Variants in SEMA6D observed in about 807,000 individuals in gnomAD.
The protein encoded by SEMA6D is semaphorin 6D, also known as semaphorin-6D.
Under a neutral mutation model 106.6 loss-of-function variants are expected in SEMA6D, and 35 were observed. That is an observed-to-expected ratio of 0.33 (90% CI 0.25 to 0.44). SEMA6D has a LOEUF of 0.44. SEMA6D is among the 20% of genes least tolerant of loss of function. The pLI is 1.00. For missense variants in SEMA6D, 1,185 were observed against 1,345.9 expected (o/e 0.88, Z 1.87); for synonymous variants, 499 against 487.7 (o/e 1.02, Z -0.31).
intron 4 of SEMA6D, among the ~76,000 whole-genome samples, chr15:47,683,941 A>C (rs2078415187): frequency 6.6e-6 from 1 of 152,210 alleles, no homozygotes; most frequent in Non-Finnish European, 1.5e-5. Flanking sequence ...GTGATAGCAA[A>C]ATCCAACAGC....
Position 47,339,748 on chromosome 15 carries a change from G to C in SEMA6D, c.-238-72645G>C, listed in dbSNP as rs2037733339. Among the ~76,000 whole-genome samples, 4 of 152,028 alleles carry C rather than the reference G, an allele frequency of 2.6e-5. No individual in the cohort carries two copies. The East Asian group carries it at 5.8e-4, about 22-fold the overall frequency. ...GTGTCACATGCCTGTAGTCCCAGCT[G>C]CTGGAGAGGCTGAGGTGGGAGAATC... On this transcript the variant is annotated intron_variant, in intron 1 of 19. Transcript: ENST00000558014.
In SEMA6D at chr15:47,764,983, C is replaced by A. The variant is rs1216106672; in HGVS notation, c.1354C>A (p.Leu452Met). ...TGAAGCTGGCATGGTACTTAAAGTT[C>A]TGGCAAAGACCAGTCCTTTCTCTTT... ...GSEAGMVLKVLAKTSPFSLND... is the reference protein window; with the variant it reads ...GSEAGMVLKVMAKTSPFSLND... Residue 452 changes from leucine to methionine, a missense_variant, in exon 13 of 19, where the codon CTG becomes ATG. Leu to Met is a conservative substitution (Grantham distance 15). Transcript: ENST00000536845. 8.7e-6 allele frequency: 14 copies of A among 1,613,914 alleles called. No individual in the cohort carries two copies. The highest frequency in any genetic ancestry group is 1.2e-5 in the Non-Finnish European group (14 of 1,179,840).
At chr15:47,297,069 T>G (rs1279278383) in intron 1 of SEMA6D, among the ~76,000 whole-genome samples, 2 of 152,188 alleles carry the variant, frequency 1.3e-5, no homozygotes, top group Non-Finnish European at 2.9e-5. Flanking sequence ...TTTGTCTTAT[T>G]CAAGGGCACA....
At chr15:47,217,566 GGTGTGTGTGT>G (rs146342466) in intron 1 of SEMA6D, among the ~76,000 whole-genome samples, 5 of 145,820 alleles carry the variant, frequency 3.4e-5, no homozygotes, top group Non-Finnish European at 4.5e-5. Context: ...CGCGTGCACG[GGTGTGTGTGT>G]GTGTGTGTGT....
At chr15:47,305,872 T>G (rs568594615) in intron 1 of SEMA6D, among the ~76,000 whole-genome samples, 1 of 152,354 alleles carries the variant, frequency 6.6e-6, no homozygotes, top group African/African-American at 2.4e-5. Flanking sequence ...CCTCCTTTGA[T>G]CCAGGCCTTC....
In SEMA6D at chr15:47,761,020, A is replaced by G; in HGVS notation, c.264A>G (p.Thr88=). ...TAAACTTAAATGAAATGCCCAAAAC[A>G]GAAGTAATACCCAACAAGGTGAGCA... ...YTVNLNEMPK[T]EVIPNKKLTW... The change falls in exon 4 of 19, where the codon ACA becomes ACG. Residue 88 remains threonine, a synonymous_variant. Coordinates refer to ENST00000536845, the MANE Select transcript of SEMA6D (RefSeq NM_001358351.3). The G allele has an allele frequency of 1.2e-6, 2 of 1,613,628 alleles. No homozygotes were observed. Among genetic ancestry groups the G allele is most frequent in the Non-Finnish European group, 8.5e-7 (1 of 1,179,722 alleles).
chr15:47,627,526 T>C (rs936904498), intron 4 of SEMA6D, among the ~76,000 whole-genome samples: 3 of 152,174 alleles, frequency 2.0e-5, no homozygotes, highest in Non-Finnish European at 4.4e-5. Context: ...AGAGATATGG[T>C]GAGAATTTAT....
At chr15:47,518,209 G>A (rs1465558070) in intron 3 of SEMA6D, among the ~76,000 whole-genome samples, 2 of 152,080 alleles carry the variant, frequency 1.3e-5, no homozygotes, top group African/African-American at 4.8e-5. Context: ...TAATAATGAG[G>A]AAAAAACAGG....
rs2082188388 is a variant in SEMA6D, at chr15:47,763,753, C to T, written c.748-97C>T. On this transcript the variant is annotated intron_variant, in intron 9 of 18. Coordinates refer to ENST00000536845, the MANE Select transcript of SEMA6D (RefSeq NM_001358351.3). ...CTAGATTTTTTTGAACCAGATGTAT[C>T]TTTAGTATTTTTTGTCCCTCCCTTA... 4 of 1,049,792 alleles carry T rather than the reference C, an allele frequency of 3.8e-6. No homozygotes were observed. The Admixed American group carries it at 5.2e-5, about 14-fold the overall frequency. 65.0% of individuals were successfully genotyped at this position (1,049,792 alleles called of 1,614,324 possible).
chr15:47,481,995 C>A (rs2141308704), intron 3 of SEMA6D, among the ~76,000 whole-genome samples: 1 of 152,210 alleles, frequency 6.6e-6, no homozygotes, highest in South Asian at 2.1e-4. Context: ...GTACAGCATG[C>A]AACCTCATGT....
chr15:47,299,328 G>A (rs894139250), intron 1 of SEMA6D, among the ~76,000 whole-genome samples: 1 of 152,150 alleles, frequency 6.6e-6, no homozygotes, highest in Admixed American at 6.5e-5. Flanking sequence ...AGTCATTTAG[G>A]AACCTCCGAC....
intron 1 of SEMA6D, among the ~76,000 whole-genome samples, chr15:47,721,492 G>C (rs1357646113): frequency 6.6e-6 from 1 of 152,120 alleles, no homozygotes; most frequent in East Asian, 1.9e-4. Context: ...AAAAAAAAGT[G>C]TTCTGATTTA....
At chr15:47,704,767 G>A (rs1403432065) in intron 4 of SEMA6D, among the ~76,000 whole-genome samples, 2 of 151,898 alleles carry the variant, frequency 1.3e-5, no homozygotes, top group South Asian at 4.2e-4. Flanking sequence ...TCAAAATAAC[G>A]GTAAATAACA....
chr15:47,344,900 G>C (rs955548083), intron 1 of SEMA6D, among the ~76,000 whole-genome samples: 35 of 152,128 alleles, frequency 2.3e-4, no homozygotes, highest in African/African-American at 8.0e-4. Flanking sequence ...TTACGTTTTT[G>C]TATACTAGCA....
chr15:47,598,371 C>A (rs1334498165), intron 3 of SEMA6D, among the ~76,000 whole-genome samples: 1 of 152,072 alleles, frequency 6.6e-6, no homozygotes, highest in Non-Finnish European at 1.5e-5. Flanking sequence ...TGTCATGTGT[C>A]CATTTCAGTG....
chr15:47,742,161 C>G (rs1369195670), intron 1 of SEMA6D, among the ~76,000 whole-genome samples: 1 of 152,170 alleles, frequency 6.6e-6, no homozygotes, highest in Non-Finnish European at 1.5e-5. Context: ...AAAGTGTAAA[C>G]GATGTCAGTA....
intron 3 of SEMA6D, among the ~76,000 whole-genome samples, chr15:47,491,383 A>G (rs2043470813): frequency 6.6e-6 from 1 of 152,228 alleles, no homozygotes; most frequent in African/African-American, 2.4e-5. Flanking sequence ...ATAATGTGCA[A>G]TGAGAAAAAC....
intron 4 of SEMA6D, among the ~76,000 whole-genome samples, chr15:47,677,346 G>A (rs2078267127): frequency 6.6e-6 from 1 of 152,174 alleles, no homozygotes; most frequent in African/African-American, 2.4e-5. Context: ...GTTTCCCATA[G>A]CACTGGGGCT....
chr15:47,675,811 C>T (rs1960434114), intron 4 of SEMA6D, among the ~76,000 whole-genome samples: 1 of 152,170 alleles, frequency 6.6e-6, no homozygotes, highest in Admixed American at 6.5e-5. Flanking sequence ...TCAGAGGCAT[C>T]CCTACCCCTT....
Sources: allele counts gnomAD v4.1 joint callset (sites outside exome capture counted in the v4.1 genomes callset), GRCh38; gene constraint gnomAD v4.1.1; transcripts MANE v1.5; gene names NCBI Gene and HGNC (gene_info 2026-07-23, HGNC 2026-07-21).